Variants in SCAI observed in about 807,000 individuals in gnomAD.
The protein encoded by SCAI is protein SCAI.
SCAI carries 24 observed loss-of-function variants against 92.2 expected under a neutral mutation model. The ratio of observed to expected loss-of-function variants is 0.26; its 90% CI spans 0.19 to 0.37. SCAI has a LOEUF of 0.37. Ranked by LOEUF, SCAI falls within the 10% of genes least tolerant of loss-of-function variation. SCAI has a pLI of 1.00. For synonymous variants in SCAI, 261 were observed against 258.6 expected (o/e 1.01, Z -0.09); for missense variants, 450 against 736.2 (o/e 0.61, Z 4.50).
chr9:125,111,209 A>T (rs1016111718), intron 2 of SCAI, among the ~76,000 whole-genome samples: 3 of 141,290 alleles, frequency 2.1e-5, no homozygotes, highest in Admixed American at 6.8e-5. Flanking sequence ...TTTAACATTT[A>T]AAAAAAAAAT....
At chr9:124,962,246 A>G (rs1247768432) in intron 17 of SCAI, among the ~76,000 whole-genome samples, 2 of 139,760 alleles carry the variant, frequency 1.4e-5, no homozygotes, top group African/African-American at 2.7e-5. Flanking sequence ...TGCAACCTCC[A>G]CCTTCTGGGT....
chr9:125,034,574 A>G (rs1301372601), intron 3 of SCAI, among the ~76,000 whole-genome samples: 1 of 152,098 alleles, frequency 6.6e-6, no homozygotes, highest in East Asian at 1.9e-4. Context: ...AGTCTCTACA[A>G]ACAAAAATAA....
At chr9:125,047,188 G>T (rs1303983802) in intron 3 of SCAI, among the ~76,000 whole-genome samples, 6 of 152,054 alleles carry the variant, frequency 3.9e-5, no homozygotes, top group African/African-American at 1.5e-4. Flanking sequence ...AAGCCTTTAG[G>T]GAAGGTTTTA....
chr9:125,039,386 A>G (rs1043540781), intron 3 of SCAI, among the ~76,000 whole-genome samples: 6 of 135,614 alleles, frequency 4.4e-5, no homozygotes, highest in African/African-American at 1.6e-4. Context: ...ACTCCATCTC[A>G]AAAAAAAAAA....
intron 2 of SCAI, among the ~76,000 whole-genome samples, chr9:125,123,945 A>T (rs545790966): frequency 1.3e-5 from 2 of 152,360 alleles, no homozygotes; most frequent in East Asian, 3.9e-4. Context: ...ATGGAGAGAG[A>T]ACTTAGGAGA....
intron 2 of SCAI, among the ~76,000 whole-genome samples, chr9:125,070,493 G>A (rs1208669869): frequency 1.3e-5 from 2 of 149,604 alleles, no homozygotes; most frequent in Admixed American, 6.8e-5. Context: ...TCCACCTCCA[G>A]GATTCAAGCA....
At chr9:125,025,776 T>C (rs1832954463) in intron 6 of SCAI, among the ~76,000 whole-genome samples, 1 of 152,094 alleles carries the variant, frequency 6.6e-6, no homozygotes, top group Non-Finnish European at 1.5e-5. Flanking sequence ...GCAAGGAAAT[T>C]AAGGAGATTT....
chr9:125,014,713 C>T (rs1210895416), intron 9 of SCAI, among the ~76,000 whole-genome samples: 9 of 152,210 alleles, frequency 5.9e-5, no homozygotes, highest in African/African-American at 1.9e-4. Context: ...AAAAAGAGCC[C>T]GCATCGCCAA....
intron 9 of SCAI, among the ~76,000 whole-genome samples, chr9:125,017,096 T>A (rs1832775552): frequency 6.6e-6 from 1 of 152,050 alleles, no homozygotes; most frequent in South Asian, 2.1e-4. Context: ...CTCTTACAGA[T>A]CAATAAGAAA....
chr9:125,049,460 A>G lies in SCAI; in HGVS notation c.230+6416T>C, dbSNP rs577953107. 7.2e-5 allele frequency among the ~76,000 whole-genome samples: 11 copies of G among 152,356 alleles called. No individual in the cohort carries two copies. The East Asian group carries it at 1.3e-3, about 19-fold the overall frequency. ...CTTGGGCTTTTGATCATTTTCTGAC[A>G]GTATTCAAAGCTTTTTCTAACATTA... is the stretch of plus-strand genomic sequence containing the variant. On this transcript the variant is annotated intron_variant, in intron 3 of 17. Coordinates refer to ENST00000336505, the MANE Select transcript of SCAI (RefSeq NM_001144877.3).
chr9:124,972,572 CA>C (rs1831680782), intron 15 of SCAI, among the ~76,000 whole-genome samples: 1 of 152,164 alleles, frequency 6.6e-6, no homozygotes, highest in Non-Finnish European at 1.5e-5. Flanking sequence ...TTTAATGACT[CA>C]CACTCTTACT....
Position 125,055,856 on chromosome 9 carries a change from A to G in SCAI, c.230+20T>C. 6.4e-7 allele frequency: 1 copy of G among 1,570,422 alleles called. No homozygotes were observed. On this transcript the variant is annotated intron_variant, in intron 3 of 17. Transcript: ENST00000336505. ...AATGCAGAACTAAAGAAAAGTTCAA[A>G]ACACCAAGAGTCCACTCACCTTAAC... is the stretch of plus-strand genomic sequence containing the variant.
At chr9:125,015,164 A>C (rs1832728247) in intron 9 of SCAI, among the ~76,000 whole-genome samples, 3 of 152,226 alleles carry the variant, frequency 2.0e-5, no homozygotes, top group African/African-American at 7.2e-5. Flanking sequence ...ATGGGAACAA[A>C]AGACAAAATT....
intron 2 of SCAI, among the ~76,000 whole-genome samples, chr9:125,066,620 TA>T (rs1455919557): frequency 6.6e-6 from 1 of 151,970 alleles, no homozygotes; most frequent in Non-Finnish European, 1.5e-5. Flanking sequence ...CGCGCCCGGC[TA>T]ATTTTTTGTA....
chr9:124,988,039 C>G (rs889543969), intron 14 of SCAI, among the ~76,000 whole-genome samples: 3 of 151,176 alleles, frequency 2.0e-5, no homozygotes, highest in Non-Finnish European at 4.4e-5. Flanking sequence ...TCTATAAACA[C>G]ACACACACAC....
At chr9:125,089,624 T>C (rs935673990) in intron 2 of SCAI, among the ~76,000 whole-genome samples, 9 of 152,118 alleles carry the variant, frequency 5.9e-5, no homozygotes, top group African/African-American at 2.2e-4. Flanking sequence ...GCTTTCAAGA[T>C]GGCTTGTGTG....
At chr9:125,107,715 TTA>T (rs1041714959) in intron 2 of SCAI, among the ~76,000 whole-genome samples, 8 of 151,842 alleles carry the variant, frequency 5.3e-5, no homozygotes, top group Non-Finnish European at 8.8e-5. Context: ...CTGCAGTGAG[TTA>T]TGATTGTGCC....
At chr9:124,967,800 C>T (rs961538952) in intron 17 of SCAI, among the ~76,000 whole-genome samples, 1 of 152,190 alleles carries the variant, frequency 6.6e-6, no homozygotes, top group African/African-American at 2.4e-5. Context: ...TTTGACACTT[C>T]AATGCTAAAG....
chr9:125,087,658 G>A (rs919571189), intron 2 of SCAI, among the ~76,000 whole-genome samples: 16 of 152,180 alleles, frequency 1.1e-4, no homozygotes, highest in Non-Finnish European at 2.2e-4. Flanking sequence ...GGCCCATGTA[G>A]CATCAATTTC....
Sources: allele counts gnomAD v4.1 joint callset (sites outside exome capture counted in the v4.1 genomes callset), GRCh38; gene constraint gnomAD v4.1.1; transcripts MANE v1.5; gene names NCBI Gene and HGNC (gene_info 2026-07-23, HGNC 2026-07-21).